SPTBN5: variants seen among roughly 807,000 people sequenced by gnomAD.
SPTBN5 encodes spectrin beta chain, non-erythrocytic 5.
Under a neutral mutation model 477.6 loss-of-function variants are expected in SPTBN5, and 513 were observed. The ratio of observed to expected loss-of-function variants is 1.07; its 90% confidence interval spans 1.00 to 1.16. The LOEUF (loss-of-function observed/expected upper bound fraction) is 1.16, where lower values mean the gene tolerates loss of function less well. Ranked by LOEUF, SPTBN5 falls within the 50% of genes most tolerant of loss-of-function variation. The pLI is 0.00. For missense variants in SPTBN5, 5,062 were observed against 4,731.8 expected, an observed-to-expected ratio of 1.07 and a Z score of -2.05; for synonymous variants, 2,169 against 2,011.7, an observed-to-expected ratio of 1.08 and a Z score of -2.09.
At chr15:41,891,820 C>T (rs1460344988) in intron 3 of SPTBN5, among the ~76,000 whole-genome samples, 2 of 152,180 alleles carry the variant, frequency 1.3e-5, no homozygotes, top group South Asian at 2.1e-4. Context: ...GCGGCAACTC[C>T]GTCATCCTTT....
rs1336893136 is a variant in SPTBN5, at chr15:41,857,130, C to T, written c.8622-91G>A. On this transcript the variant is annotated intron_variant, in intron 51 of 67. Coordinates refer to ENST00000320955, the MANE Select transcript of SPTBN5 (RefSeq NM_016642.4). ...TGACACAGATCACCCAGCTGTGGCC[C>T]TCACCATGGGCAAGGGGAGAAAGTG... The T allele has an allele frequency of 6.6e-6, 10 of 1,516,666 alleles. No individual in the cohort carries two copies. In the African/African-American group the frequency reaches 6.9e-5, roughly 10 times the overall value. 94.0% of individuals were successfully genotyped at this position (1,516,666 alleles called of 1,614,324 possible).
chr15:41,871,454 A>G lies in SPTBN5; in HGVS notation c.5368T>C (p.Cys1790Arg). Reference sequence around the variant, plus strand: ...AGCAGGCTCTCCGCCAGCAGCCGGCAGGCGGCCACCCGCTGGCTGCCCATC... The same window carrying G: ...AGCAGGCTCTCCGCCAGCAGCCGGCGGGCGGCCACCCGCTGGCTGCCCATC... ...VEMGSQRVAA[C>R]RLLAESLLER... Residue 1790 changes from cysteine (C) to arginine (R), a missense_variant, in exon 29 of 68, where the codon TGC (cysteine) becomes CGC (arginine). Physicochemically the swap from Cys to Arg is radical, Grantham distance 180 (BLOSUM62 -3). Transcript: ENST00000320955. The G allele has an allele frequency of 6.5e-7, 1 of 1,540,174 alleles. No individual in the cohort carries two copies. Among genetic ancestry groups the G allele is most frequent in the Admixed American group, 2.0e-5 (1 of 49,650 alleles).
intron 60 of SPTBN5, 26 bp from the exon 61 acceptor site, chr15:41,852,761 G>GC (rs754031547): frequency 6.4e-7 from 1 of 1,557,286 alleles, no homozygotes; most frequent in Non-Finnish European, 8.8e-7. Flanking sequence ...TTCAGGTGAC[G>GC]CCCAGCTTGG....
chr15:41,857,669 C>T lies in SPTBN5; in HGVS notation c.8268G>A (p.Glu2756=). ...GCTCCTCCAGTCGCTCCTGGATGGC[C>T]TCCGAGGCTGGGTGGCCCCCCTGCA... The part of the protein sequence containing the change: ...RLLQGGHPAS[E]AIQERLEELG... The change falls in exon 50 of 68, where the codon GAG becomes GAA. Residue 2756 remains glutamate, a synonymous_variant. Coordinates refer to ENST00000320955, the MANE Select transcript of SPTBN5 (RefSeq NM_016642.4). The T allele has an allele frequency of 6.3e-7, 1 of 1,587,442 alleles. No individual in the cohort carries two copies. Among genetic ancestry groups the T allele is most frequent in the Non-Finnish European group, 8.6e-7 (1 of 1,167,366 alleles).
intron 4 of SPTBN5, among the ~76,000 whole-genome samples, chr15:41,889,670 T>G (rs1339169428): frequency 6.6e-6 from 1 of 152,134 alleles, no homozygotes; most frequent in Non-Finnish European, 1.5e-5. Flanking sequence ...GTGTGTAGGG[T>G]GCCAGGGACT....
Position 41,852,308 on chromosome 15 carries a change from C to A in SPTBN5, c.10458G>T (p.Gln3486His), listed in dbSNP as rs772856861. 1 of 1,587,210 alleles carries A rather than the reference C, an allele frequency of 6.3e-7. No homozygotes were observed. Among genetic ancestry groups the A allele is most frequent in the Non-Finnish European group, 8.6e-7 (1 of 1,166,420 alleles). ...GCTCCTGTGGCTGCAGCAGGAGCTC[C>A]TGTTCCATCTTGGGGAGTGGGCAAG... is the stretch of plus-strand genomic sequence containing the variant. ...FAQMQKTEME[Q>H]ELLLQPQELK... The change falls in exon 62 of 68, where the codon CAG (glutamine) becomes CAT (histidine). Residue 3486 changes from glutamine to histidine, a missense_variant. By Grantham distance (24) the Gln-to-His change is conservative (BLOSUM62 0). Coordinates refer to ENST00000320955, the MANE Select transcript of SPTBN5 (RefSeq NM_016642.4).
At chr15:41,870,043 G>T in intron 31 of SPTBN5, 23 bp from the exon 32 acceptor site, 1 of 1,465,342 alleles carries the variant, frequency 6.8e-7, no homozygotes, top group East Asian at 2.5e-5. Flanking sequence ...CAGGGAATAG[G>T]GAGGCAAGGG....
intron 3 of SPTBN5, among the ~76,000 whole-genome samples, chr15:41,891,030 TGG>T (rs2067294606): frequency 6.6e-6 from 1 of 152,260 alleles, no homozygotes; most frequent in Non-Finnish European, 1.5e-5. Flanking sequence ...GGTATCTGCA[TGG>T]CTATTCACCT....
intron 5 of SPTBN5, 111 bp from the exon 6 acceptor site, chr15:41,887,552 T>G: frequency 1.1e-6 from 1 of 894,894 alleles, no homozygotes; most frequent in Non-Finnish European, 1.7e-6. Flanking sequence ...TTCTTGTGAA[T>G]TCGTTTTCCC....
chr15:41,891,207 C>T (rs1287065749), intron 3 of SPTBN5, among the ~76,000 whole-genome samples: 1 of 152,182 alleles, frequency 6.6e-6, no homozygotes, highest in African/African-American at 2.4e-5. Context: ...GGGAGTGGCA[C>T]ACAGCAGGCA....
Position 41,893,347 on chromosome 15 carries a change from G to A in SPTBN5, c.151C>T (p.Arg51Trp), listed in dbSNP as rs774286267. The change falls in exon 2 of 68, where the codon CGG becomes TGG. Residue 51 changes from arginine to tryptophan, a missense_variant. Coordinates refer to ENST00000320955, the MANE Select transcript of SPTBN5 (RefSeq NM_016642.4). ...GTCTTCTCCTGCATCTGCATGTGCC[G>A]GGCCTGTAGCTTGCGAATGTGGCCC... ...ETGHIRKLQA[R>W]HMQMQEKTFT... 26 of 1,613,886 alleles carry A rather than the reference G, an allele frequency of 1.6e-5. No homozygotes were observed. The highest frequency in any genetic ancestry group is 3.3e-5 in the Admixed American group (2 of 60,010).
At chr15:41,865,005 G>A (rs1232885390) in intron 39 of SPTBN5, among the ~76,000 whole-genome samples, 1 of 152,226 alleles carries the variant, frequency 6.6e-6, no homozygotes, top group Non-Finnish European at 1.5e-5. Context: ...TTGGAGTCTA[G>A]CTCTCTTCCT....
chr15:41,870,104 G>GC lies in SPTBN5; in HGVS notation c.5674-85dup, dbSNP rs1473324921. ...ATGTATCCCTTGCCTGGGAACTCTGGCCCCCTTGGGCCACGTCCTGCCATG... is the reference window on the plus strand; with the variant it reads ...ATGTATCCCTTGCCTGGGAACTCTGGCCCCCCTTGGGCCACGTCCTGCCATG... On this transcript the variant is annotated intron_variant, in intron 31 of 67. Coordinates refer to ENST00000320955, the MANE Select transcript of SPTBN5 (RefSeq NM_016642.4). 228 of 1,446,440 alleles carry GC rather than the reference G, an allele frequency of 1.6e-4. 1 individual carries two copies. In the South Asian group the frequency reaches 3.1e-3, roughly 19 times the overall value. 89.6% of individuals were successfully genotyped at this position (1,446,440 alleles called of 1,614,324 possible).
At chr15:41,879,653 T>C (rs2066879999) in intron 15 of SPTBN5, 81 bp downstream of exon 15, 6 of 1,557,580 alleles carry the variant, frequency 3.9e-6, no homozygotes, top group Middle Eastern at 2.2e-4. Flanking sequence ...CCATCTGGCA[T>C]GGCGGGAGGC....
chr15:41,862,556 C>G lies in SPTBN5; in HGVS notation c.7368G>C (p.Arg2456=). 1 of 1,565,882 alleles carries G rather than the reference C, an allele frequency of 6.4e-7. No homozygotes were observed. The highest frequency in any genetic ancestry group is 8.7e-7 in the Non-Finnish European group (1 of 1,155,848). The change falls in exon 43 of 68, where the codon CGG becomes CGC. Residue 2456 remains arginine, a synonymous_variant. Transcript: ENST00000320955. ...GTTCATACCGCTTCTGGGCCCTGCT[C>G]CGGAGCTGCCACCAGCTCTCAGCCA... is the stretch of plus-strand genomic sequence containing the variant. ...QEVAESWWQL[R]SRAQKRREAL...
intron 62 of SPTBN5, 154 bp from the exon 63 acceptor site, chr15:41,852,004 A>G: frequency 2.2e-6 from 2 of 915,322 alleles, no homozygotes; most frequent in Non-Finnish European, 1.7e-6. Context: ...GAGATCGGGC[A>G]TGTTCAGGGT....
chr15:41,852,098 GC>G, intron 62 of SPTBN5, 83 bp downstream of exon 62: 1 of 1,485,758 alleles, frequency 6.7e-7, no homozygotes, highest in Admixed American at 2.2e-5. Flanking sequence ...CAGGGTGTGG[GC>G]CCTCACCCCC....
rs570270012 is a variant in SPTBN5 at position 41,848,319 on chromosome 15, AAGG to A, written c.*294_*296del. 540 of 540,302 alleles carry A rather than the reference AAGG, an allele frequency of 1.0e-3. 2 individuals are homozygous for A. In the East Asian group the frequency reaches 0.016, roughly 16 times the overall value. The allele number at this position is 540,302 out of a possible 1,614,324, so 33.5% of individuals were successfully genotyped here. A position where few individuals can be genotyped will look rare whatever the true frequency, so the allele number is the denominator to read the frequency against. ...GTGCTCAGAGTCACCCCTTCCAAGC[AAGG>A]AGGAGGCCACATGGGCCTGGGGTAG... On this transcript the variant is annotated 3_prime_UTR_variant, in exon 68 of 68. Transcript: ENST00000320955.
chr15:41,856,681 C>T lies in SPTBN5; in HGVS notation c.8809-83G>A, dbSNP rs2065937859. ...GTTGTGCTTGAAGTTTCACGGGACCCCACTAACTTGTCCCCAAGGAGTTCC... is the reference window on the plus strand; with the variant it reads ...GTTGTGCTTGAAGTTTCACGGGACCTCACTAACTTGTCCCCAAGGAGTTCC... On this transcript the variant is annotated intron_variant, in intron 52 of 67. Transcript: ENST00000320955. 3.5e-6 allele frequency: 5 copies of T among 1,409,800 alleles called. No homozygotes were observed. The Admixed American group carries it at 9.2e-5, about 26-fold the overall frequency. 87.3% of individuals were successfully genotyped at this position (1,409,800 alleles called of 1,614,324 possible).
Sources: gnomAD v4.1 joint callset for allele counts (sites outside exome capture counted in the v4.1 genomes callset) on GRCh38, gnomAD v4.1.1 for gene constraint, MANE v1.5 for transcripts, NCBI Gene and HGNC (gene_info 2026-07-23, HGNC 2026-07-21) for gene names.